The following TENM2 variants were observed in gnomAD, a reference collection of about 807,000 sequenced individuals.
TENM2 encodes teneurin-2.
TENM2 carries 52 observed loss-of-function variants against 245.2 expected under a neutral mutation model. The ratio of observed to expected loss-of-function variants is 0.21; its 90% CI spans 0.17 to 0.27. The LOEUF (loss-of-function observed/expected upper bound fraction) is 0.27. Among genes scored for constraint, TENM2 ranks in the 10% least tolerant of loss-of-function variants. The pLI is 1.00. For missense variants in TENM2, 3,046 were observed against 3,666.8 expected (o/e 0.83, Z 4.37); for synonymous variants, 1,363 against 1,438.9 (o/e 0.95, Z 1.19).
chr5:167,822,025 CATTTT>C (rs1767572912), intron 2 of TENM2, among the ~76,000 whole-genome samples: 1 of 151,820 alleles, frequency 6.6e-6, no homozygotes, highest in Non-Finnish European at 1.5e-5. Flanking sequence ...TTTGTTTTTT[CATTTT>C]GTTTTGTTTT....
chr5:167,882,529 G>A (rs1773962845), intron 3 of TENM2, among the ~76,000 whole-genome samples: 1 of 152,306 alleles, frequency 6.6e-6, no homozygotes, highest in East Asian at 1.9e-4. Context: ...AATTTATAAA[G>A]GGAAGAAGTT....
At chr5:167,791,161 A>G (rs1764928125) in intron 2 of TENM2, among the ~76,000 whole-genome samples, 1 of 152,124 alleles carries the variant, frequency 6.6e-6, no homozygotes, top group Non-Finnish European at 1.5e-5. Flanking sequence ...GCAAAGCACT[A>G]TGCCTTCAAT....
chr5:167,532,826 G>GTA (rs148505748), intron 2 of TENM2, among the ~76,000 whole-genome samples: 75,878 of 144,352 alleles, frequency 0.53, 20,915 homozygotes, highest in Non-Finnish European at 0.64. Context: ...GTGTGTGTGT[G>GTA]TATATATATA....
At chr5:168,242,348 G>A (rs1184973236) in intron 25 of TENM2, among the ~76,000 whole-genome samples, 1 of 152,266 alleles carries the variant, frequency 6.6e-6, no homozygotes, top group Non-Finnish European at 1.5e-5. Context: ...GAGCGTTCAA[G>A]GGCTGTGAAA....
intron 2 of TENM2, among the ~76,000 whole-genome samples, chr5:167,431,664 AC>A (rs1329493431): frequency 2.0e-5 from 3 of 151,890 alleles, no homozygotes; most frequent in Admixed American, 2.0e-4. Context: ...TATATACACA[AC>A]AACAGACATT....
intron 5 of TENM2, among the ~76,000 whole-genome samples, chr5:168,015,451 C>T (rs1242143601): frequency 6.6e-6 from 1 of 152,214 alleles, no homozygotes; most frequent in Non-Finnish European, 1.5e-5. Context: ...CAGTGACATT[C>T]GGCACTGCAG....
the TENM2 span, among the ~76,000 whole-genome samples, chr5:167,019,949 G>C: frequency 6.6e-6 from 1 of 152,070 alleles, no homozygotes; most frequent in Non-Finnish European, 1.5e-5. Context: ...ACAAGAGGTA[G>C]CATTGGTTGG....
intron 25 of TENM2, among the ~76,000 whole-genome samples, chr5:168,233,515 G>A (rs1013033806): frequency 1.3e-5 from 2 of 152,190 alleles, no homozygotes; most frequent in African/African-American, 2.4e-5. Flanking sequence ...ACCACAGTGG[G>A]TATAAATTCA....
chr5:167,043,751 C>T, the TENM2 span, among the ~76,000 whole-genome samples: 1 of 152,166 alleles, frequency 6.6e-6, no homozygotes, highest in African/African-American at 2.4e-5. Context: ...GTGGCTCACG[C>T]CTGTAATCCC....
intron 1 of TENM2, among the ~76,000 whole-genome samples, chr5:167,322,661 A>G (rs932531423): frequency 2.0e-5 from 3 of 152,144 alleles, no homozygotes; most frequent in Non-Finnish European, 2.9e-5. Context: ...CACTGTCCAA[A>G]AGAAAAATAG....
intron 10 of TENM2, among the ~76,000 whole-genome samples, chr5:168,120,774 T>A (rs1795414889): frequency 1.3e-5 from 2 of 152,252 alleles, no homozygotes; most frequent in African/African-American, 4.8e-5. Flanking sequence ...TCCATTTAGC[T>A]TTTTTATTTC....
chr5:166,998,144 T>C, the TENM2 span, among the ~76,000 whole-genome samples: 1 of 152,084 alleles, frequency 6.6e-6, no homozygotes, highest in East Asian at 1.9e-4. Context: ...AAAGGAACGA[T>C]ACATGCAAAA....
intron 1 of TENM2, among the ~76,000 whole-genome samples, chr5:167,360,612 C>T (rs1016464669): frequency 6.6e-6 from 1 of 152,112 alleles, no homozygotes; most frequent in Non-Finnish European, 1.5e-5. Context: ...GGAAAAAGAA[C>T]CTGAAAATTT....
At chr5:168,060,015 G>A (rs375391611) in intron 6 of TENM2, among the ~76,000 whole-genome samples, 2 of 152,132 alleles carry the variant, frequency 1.3e-5, no homozygotes, top group Admixed American at 1.3e-4. Context: ...TCAGCCCAGG[G>A]TCTCTGCTCT....
chr5:168,237,401 A>T (rs980018011), intron 25 of TENM2, among the ~76,000 whole-genome samples: 1 of 152,108 alleles, frequency 6.6e-6, no homozygotes, highest in African/African-American at 2.4e-5. Context: ...AGTCTGATTC[A>T]GTCTGCTTAT....
At chr5:167,258,590 G>A in the TENM2 span, among the ~76,000 whole-genome samples, 1 of 152,156 alleles carries the variant, frequency 6.6e-6, no homozygotes, top group East Asian at 1.9e-4. Flanking sequence ...TCCTTATTTA[G>A]AATTCTATTA....
chr5:168,023,688 T>C (rs1159937257), intron 5 of TENM2, among the ~76,000 whole-genome samples: 1 of 152,104 alleles, frequency 6.6e-6, no homozygotes, highest in Non-Finnish European at 1.5e-5. Flanking sequence ...CGTAGGTGGG[T>C]TTAATTAAAT....
At chr5:167,155,476 TG>T in the TENM2 span, among the ~76,000 whole-genome samples, 4 of 152,204 alleles carry the variant, frequency 2.6e-5, no homozygotes, top group African/African-American at 9.7e-5. Flanking sequence ...TTTTTAAACT[TG>T]CCCCTGAACC....
At chr5:167,345,249 G>A (rs975636596) in intron 1 of TENM2, among the ~76,000 whole-genome samples, 9 of 152,158 alleles carry the variant, frequency 5.9e-5, no homozygotes, top group African/African-American at 2.2e-4. Context: ...TTCACGTCAC[G>A]ATTGCATGAG....
Sources: gnomAD v4.1 joint callset for allele counts (sites outside exome capture counted in the v4.1 genomes callset) on GRCh38, gnomAD v4.1.1 for gene constraint, MANE v1.5 for transcripts, NCBI Gene and HGNC (gene_info 2026-07-23, HGNC 2026-07-21) for gene names.